Variants in GRM7 observed in about 807,000 individuals in gnomAD.
GRM7 encodes the protein glutamate metabotropic receptor 7.
In GRM7, 35 loss-of-function variants were observed where a neutral mutation model predicts 84.5. The ratio of observed to expected loss-of-function variants is 0.41; its 90% CI spans 0.32 to 0.55. The LOEUF (loss-of-function observed/expected upper bound fraction) is 0.55, where lower values mean the gene tolerates loss of function less well. Ranked by LOEUF, GRM7 falls within the 20% of genes least tolerant of loss-of-function variation. The pLI is 0.19. For synonymous variants in GRM7, 487 were observed against 455.1 expected (o/e 1.07, Z -0.89); for missense variants, 1,003 against 1,194.6 (o/e 0.84, Z 2.36).
chr3:7,666,325 C>T (rs1699699772), intron 8 of GRM7, among the ~76,000 whole-genome samples: 1 of 152,092 alleles, frequency 6.6e-6, no homozygotes, highest in African/African-American at 2.4e-5. Context: ...TTGGATTCCC[C>T]AAGAATGCCA....
rs572393882 is a variant in GRM7, at chr3:6,863,842, G to A, written c.519+1935G>A. On this transcript the variant is annotated intron_variant, in intron 1 of 9. Coordinates refer to ENST00000357716, the MANE Select transcript of GRM7 (RefSeq NM_000844.4). The surrounding 1 kb of genome is among the most constrained non-coding windows in gnomAD (Gnocchi z 4.8). ...TTTTGCCTGTTTCTTCACTCACCCTGGGCAGTACTGCGGATCAGCCTGTCT... is the reference window on the plus strand; with the variant it reads ...TTTTGCCTGTTTCTTCACTCACCCTAGGCAGTACTGCGGATCAGCCTGTCT... 2.2e-4 allele frequency among the ~76,000 whole-genome samples: 34 copies of A among 152,196 alleles called. No individual in the cohort carries two copies. The highest frequency in any genetic ancestry group is 3.4e-4 in the Non-Finnish European group (23 of 68,018).
intron 1 of GRM7, among the ~76,000 whole-genome samples, chr3:6,981,862 T>G (rs997426202): frequency 6.6e-6 from 1 of 152,106 alleles, no homozygotes; most frequent in African/African-American, 2.4e-5. Flanking sequence ...GGAATGTAAA[T>G]TAGTTCAGCC....
chr3:7,139,593 A>G (rs1333724543), intron 1 of GRM7, among the ~76,000 whole-genome samples: 1 of 152,002 alleles, frequency 6.6e-6, no homozygotes, highest in Non-Finnish European at 1.5e-5. Context: ...AATACCTTAT[A>G]ATAAATTATC....
intron 4 of GRM7, among the ~76,000 whole-genome samples, chr3:7,381,560 G>T (rs936893865): frequency 6.6e-6 from 1 of 151,996 alleles, no homozygotes; most frequent in Non-Finnish European, 1.5e-5. Context: ...TACATCAGTT[G>T]GTTCTATGAA....
intron 1 of GRM7, among the ~76,000 whole-genome samples, chr3:7,048,824 T>G (rs895749783): frequency 6.6e-6 from 1 of 151,910 alleles, no homozygotes; most frequent in African/African-American, 2.4e-5. Context: ...TTGAACTTAT[T>G]CTTCCTGTCT....
intron 1 of GRM7, among the ~76,000 whole-genome samples, chr3:6,907,378 C>T (rs898267463): frequency 2.6e-5 from 4 of 152,114 alleles, no homozygotes; most frequent in African/African-American, 7.2e-5. Flanking sequence ...ACCGTGGAGA[C>T]GTGATCATTA....
chr3:7,352,176 A>G (rs1173509401), intron 4 of GRM7, among the ~76,000 whole-genome samples: 3 of 151,898 alleles, frequency 2.0e-5, no homozygotes, highest in Non-Finnish European at 2.9e-5. Flanking sequence ...TAATCTGATT[A>G]GACCTAACAT....
intron 2 of GRM7, among the ~76,000 whole-genome samples, chr3:7,228,292 C>T (rs1039539498): frequency 7.2e-5 from 11 of 152,064 alleles, no homozygotes; most frequent in Admixed American, 2.0e-4. Flanking sequence ...TTAAGGTAAA[C>T]GGCCGTTTAT....
intron 9 of GRM7, among the ~76,000 whole-genome samples, chr3:7,719,923 G>A (rs1392700468): frequency 6.6e-6 from 1 of 151,914 alleles, no homozygotes; most frequent in African/African-American, 2.4e-5. Flanking sequence ...GTCTCATACA[G>A]ATGACTAGCT....
chr3:7,026,754 A>G (rs959880171), intron 1 of GRM7, among the ~76,000 whole-genome samples: 4 of 152,202 alleles, frequency 2.6e-5, no homozygotes, highest in Non-Finnish European at 5.9e-5. Context: ...ACCTAATGTA[A>G]TGACTCACAA....
intron 2 of GRM7, among the ~76,000 whole-genome samples, chr3:7,147,182 T>C (rs1255605819): frequency 1.3e-5 from 2 of 152,310 alleles, no homozygotes; most frequent in Admixed American, 6.5e-5. Flanking sequence ...TCTTTCAAAC[T>C]TGAGATTATT....
chr3:7,339,130 A>G (rs1438137853), intron 4 of GRM7, among the ~76,000 whole-genome samples: 2 of 152,126 alleles, frequency 1.3e-5, no homozygotes, highest in Admixed American at 6.6e-5. Context: ...AGGTAGGGAT[A>G]TGATTACACA....
chr3:6,956,550 C>G (rs1313396020), intron 1 of GRM7: 1 of 456,574 alleles, frequency 2.2e-6, no homozygotes, highest in East Asian at 6.9e-5. Flanking sequence ...TCCACACTCT[C>G]TCTTCTGTTC....
chr3:7,122,000 C>T (rs1574931940), intron 1 of GRM7, among the ~76,000 whole-genome samples: 1 of 152,222 alleles, frequency 6.6e-6, no homozygotes, highest in Non-Finnish European at 1.5e-5. Flanking sequence ...CTTTCACCTT[C>T]CATCCTTTTG....
chr3:6,996,636 G>A (rs1342966039), intron 1 of GRM7, among the ~76,000 whole-genome samples: 4 of 152,158 alleles, frequency 2.6e-5, no homozygotes, highest in Non-Finnish European at 4.4e-5. Flanking sequence ...CTTCTCCCAT[G>A]AGTAGTGAGA....
chr3:7,310,345 C>T (rs1333336799), intron 4 of GRM7, among the ~76,000 whole-genome samples: 1 of 152,174 alleles, frequency 6.6e-6, no homozygotes, highest in African/African-American at 2.4e-5. Context: ...CTGGACCCAG[C>T]ATTAAAGAGC....
chr3:7,346,789 G>A (rs1222780293), intron 4 of GRM7, among the ~76,000 whole-genome samples: 1 of 152,072 alleles, frequency 6.6e-6, no homozygotes, highest in Admixed American at 6.6e-5. Flanking sequence ...ATCATTTGAA[G>A]TGCACCCATT....
chr3:7,093,534 G>T (rs1254901006), intron 1 of GRM7, among the ~76,000 whole-genome samples: 1 of 151,280 alleles, frequency 6.6e-6, no homozygotes, highest in African/African-American at 2.4e-5. Flanking sequence ...AAAATTAGCT[G>T]GGCATGGTGA....
At chr3:7,380,366 AC>A (rs369795404) in intron 4 of GRM7, among the ~76,000 whole-genome samples, 152,324 of 152,328 alleles carry the variant, frequency 1, 76,160 homozygotes, top group Middle Eastern at 1. Context: ...AGTTCAGAGG[AC>A]CAAAATTTGC....
Sources: gnomAD v4.1 joint callset for allele counts (sites outside exome capture counted in the v4.1 genomes callset) on GRCh38, gnomAD v4.1.1 for gene constraint, Gnocchi (gnomAD v3.1) non-coding constraint, MANE v1.5 for transcripts, NCBI Gene and HGNC (gene_info 2026-07-23, HGNC 2026-07-21) for gene names.